Variants in HIVEP1 observed in about 807,000 individuals in gnomAD.
The protein encoded by HIVEP1 is HIVEP zinc finger 1.
Under a neutral mutation model 180.0 loss-of-function variants are expected in HIVEP1, and 36 were observed. The ratio of observed to expected loss-of-function variants is 0.20; its 90% confidence interval spans 0.15 to 0.26. The LOEUF (loss-of-function observed/expected upper bound fraction) is 0.26, where lower values mean the gene tolerates loss of function less well. HIVEP1 is among the 10% of genes least tolerant of loss of function. The probability of loss-of-function intolerance (pLI) is 1.00; values close to 1 mark genes in which losing one functional copy is unlikely to be tolerated. For missense variants in HIVEP1, 3,143 were observed against 3,268.7 expected, an observed-to-expected ratio of 0.96 and a Z score of 0.94; for synonymous variants, 1,239 against 1,239.0, an observed-to-expected ratio of 1.00 and a Z score of 0.00.
intron 3 of HIVEP1, among the ~76,000 whole-genome samples, chr6:12,112,266 CT>C (rs1348045941): frequency 6.6e-6 from 1 of 151,842 alleles, no homozygotes; most frequent in Non-Finnish European, 1.5e-5. Context: ...TAATTTTTAT[CT>C]TTTATTCTCT....
Position 12,120,318 on chromosome 6 carries a change from G to A in HIVEP1, c.523G>A (p.Asp175Asn). ...SSSLSSKTRT[D>N]NSECISSHCG... ...TTCCTTGTCAAGTAAAACCAGGACT[G>A]ACAATAGCGAATGCATCTCTTCTCA... The change falls in exon 4 of 9, where the codon GAC (aspartate) becomes AAC (asparagine). Residue 175 changes from aspartate (D) to asparagine (N), a missense_variant. Coordinates refer to ENST00000379388, the MANE Select transcript of HIVEP1 (RefSeq NM_002114.4). 1 of 1,614,192 alleles carries A rather than the reference G, an allele frequency of 6.2e-7. No homozygotes were observed. The highest frequency in any genetic ancestry group is 8.5e-7 in the Non-Finnish European group (1 of 1,180,024).
chr6:12,134,243 T>C (rs1223432211), intron 6 of HIVEP1, among the ~76,000 whole-genome samples: 1 of 152,208 alleles, frequency 6.6e-6, no homozygotes, highest in Non-Finnish European at 1.5e-5. Context: ...TTTCAGTATA[T>C]TTAATGTAAA....
chr6:12,104,366 CTCTCTCTCTCTT>C (rs1774284774), intron 3 of HIVEP1, among the ~76,000 whole-genome samples: 1 of 148,410 alleles, frequency 6.7e-6, no homozygotes. Flanking sequence ...GACTTATTCT[CTCTCTCTCTCTT>C]TCTCTCTCTC....
chr6:12,112,905 C>T (rs1020221764), intron 3 of HIVEP1, among the ~76,000 whole-genome samples: 1 of 152,112 alleles, frequency 6.6e-6, no homozygotes, highest in African/African-American at 2.4e-5. Flanking sequence ...GGGTGTCCTC[C>T]TCTGTTCTTC....
chr6:12,161,935 T>A lies in HIVEP1; in HGVS notation c.6978+6T>A. 6.3e-7 allele frequency: 1 copy of A among 1,587,312 alleles called. No individual in the cohort carries two copies. Among genetic ancestry groups the A allele is most frequent in the Non-Finnish European group, 8.6e-7 (1 of 1,164,888 alleles). On this transcript the variant is annotated splice_donor_region_variant and intron_variant, in intron 8 of 8. Coordinates refer to ENST00000379388, the MANE Select transcript of HIVEP1 (RefSeq NM_002114.4). ...AAGCTGTTGCTATAACACAGGTAAATGATTGGCAGTTGTTCTTTTATTTCT... is the reference window on the plus strand; with the variant it reads ...AAGCTGTTGCTATAACACAGGTAAAAGATTGGCAGTTGTTCTTTTATTTCT...
At chr6:12,023,652 C>G (rs1458816779) in intron 2 of HIVEP1, among the ~76,000 whole-genome samples, 1 of 119,076 alleles carries the variant, frequency 8.4e-6, no homozygotes, top group African/African-American at 2.5e-5. Context: ...CATAGCAAGC[C>G]TCCTTTTTTT....
Position 12,092,047 on chromosome 6 carries a change from A to G in HIVEP1, c.94+2810A>G, listed in dbSNP as rs565613362. Among the ~76,000 whole-genome samples, 495 of 152,308 alleles carry G rather than the reference A, an allele frequency of 3.2e-3. 2 individuals carry two copies. Among genetic ancestry groups the G allele is most frequent in the African/African-American group, 0.011 (478 of 41,570 alleles). ...CAATGTTTGACACATATAAATTAAT[A>G]TATGTAGCATATTAAATTACAAAGC... On this transcript the variant is annotated intron_variant, in intron 3 of 8. Transcript: ENST00000379388.
At chr6:12,157,848 G>C (rs923201940) in intron 7 of HIVEP1, among the ~76,000 whole-genome samples, 7 of 152,102 alleles carry the variant, frequency 4.6e-5, no homozygotes, top group African/African-American at 1.7e-4. Flanking sequence ...GTTTTTCTAA[G>C]AAAGTCTGTA....
chr6:12,102,210 C>A (rs556908373), intron 3 of HIVEP1, among the ~76,000 whole-genome samples: 1 of 152,058 alleles, frequency 6.6e-6, no homozygotes, highest in Non-Finnish European at 1.5e-5. Flanking sequence ...AGAAGGTCAG[C>A]AAGGAAATAG....
intron 2 of HIVEP1, among the ~76,000 whole-genome samples, chr6:12,029,751 A>C (rs1161256872): frequency 6.6e-6 from 1 of 152,136 alleles, no homozygotes; most frequent in African/African-American, 2.4e-5. Context: ...ATATATGCTT[A>C]ATCCCTTTAT....
At chr6:12,058,454 C>A (rs1771012486) in intron 2 of HIVEP1, among the ~76,000 whole-genome samples, 1 of 152,140 alleles carries the variant, frequency 6.6e-6, no homozygotes, top group Non-Finnish European at 1.5e-5. Flanking sequence ...AGTCATTGAT[C>A]TTATAGCTGA....
At chr6:12,181,420 C>T in the HIVEP1 span, among the ~76,000 whole-genome samples, 36 of 151,788 alleles carry the variant, frequency 2.4e-4, no homozygotes, top group Non-Finnish European at 3.4e-4. Flanking sequence ...AACAGGGTCT[C>T]ACTCTATTGC....
At chr6:12,075,001 G>A (rs1458366225) in intron 2 of HIVEP1, among the ~76,000 whole-genome samples, 2 of 152,116 alleles carry the variant, frequency 1.3e-5, no homozygotes, top group Non-Finnish European at 2.9e-5. Context: ...AAAAACCAAA[G>A]TTAAATCTCA....
rs943187464 is a variant in HIVEP1, at chr6:12,163,620, G to A, written c.7316G>A (p.Gly2439Asp). The A allele has an allele frequency of 3.1e-6, 5 of 1,614,108 alleles. No homozygotes were observed. The highest frequency in any genetic ancestry group is 4.2e-6 in the Non-Finnish European group (5 of 1,180,010). Residue 2439 changes from glycine (G) to aspartate (D), a missense_variant, in exon 9 of 9, where the codon GGT becomes GAT. By Grantham distance (94) the Gly-to-Asp change is moderately conservative. Around this residue, in one of 12 missense-constraint regions of HIVEP1, gnomAD observed 595 missense variants for 602.2 expected, o/e 0.99. Transcript: ENST00000379388. ...PAVSVVHRTL[G>D]THRNTVTEVS... is the part of the protein sequence containing the mutation. The stretch of plus-strand genomic sequence containing the variant: ...GTCAGTGTCGTTCACAGAACTTTGG[G>A]TACTCATAGGAATACGGTCACAGAA...
intron 2 of HIVEP1, among the ~76,000 whole-genome samples, chr6:12,017,315 G>T (rs568477841): frequency 6.6e-6 from 1 of 152,278 alleles, no homozygotes; most frequent in Admixed American, 6.5e-5. Flanking sequence ...TAAAGGTAGC[G>T]TGTCCACAGG....
At chr6:12,159,203 T>TGTGTGCGCGCGC (rs1562011743) in intron 7 of HIVEP1, among the ~76,000 whole-genome samples, 2 of 151,952 alleles carry the variant, frequency 1.3e-5, no homozygotes, top group African/African-American at 2.4e-5. Flanking sequence ...TGTGTGTGTG[T>TGTGTGCGCGCGC]GTGTGCGCGC....
chr6:12,057,989 T>A (rs1232461319), intron 2 of HIVEP1, among the ~76,000 whole-genome samples: 1 of 152,222 alleles, frequency 6.6e-6, no homozygotes, highest in African/African-American at 2.4e-5. Context: ...CATAGCCTTT[T>A]GACTTGCATG....
intron 2 of HIVEP1, among the ~76,000 whole-genome samples, chr6:12,055,395 C>G (rs1000237400): frequency 1.3e-5 from 2 of 152,250 alleles, no homozygotes; most frequent in Middle Eastern, 3.4e-3. Context: ...ACCCCTTGAA[C>G]TAGGAAGTCA....
intron 7 of HIVEP1, among the ~76,000 whole-genome samples, chr6:12,137,570 CT>C (rs374807624): frequency 6.6e-6 from 1 of 150,434 alleles, no homozygotes; most frequent in Non-Finnish European, 1.5e-5. Flanking sequence ...TTTCAGTTTA[CT>C]TTTTTTTAAA....
Sources: gnomAD v4.1 joint callset for allele counts (sites outside exome capture counted in the v4.1 genomes callset) on GRCh38, gnomAD v4.1.1 for gene constraint, gnomAD v4.1.1 regional missense constraint, MANE v1.5 for transcripts, NCBI Gene and HGNC (gene_info 2026-07-23, HGNC 2026-07-21) for gene names.